Variants in SLC24A2 observed in about 807,000 individuals in gnomAD.
The protein encoded by SLC24A2 is solute carrier family 24 member 2, also known as sodium/potassium/calcium exchanger 2.
SLC24A2 carries 36 observed loss-of-function variants against 62.0 expected under a neutral mutation model. The observed-to-expected ratio is 0.58, with a 90% CI of 0.44 to 0.77. The LOEUF (loss-of-function observed/expected upper bound fraction) is 0.77, where lower values mean the gene tolerates loss of function less well. Ranked by LOEUF, SLC24A2 falls within the 30% of genes least tolerant of loss-of-function variation. The probability of loss-of-function intolerance (pLI) is 0.00; values close to 1 mark genes in which losing one functional copy is unlikely to be tolerated. For synonymous variants in SLC24A2, 358 were observed against 294.0 expected (o/e 1.22, Z -2.23); for missense variants, 846 against 817.9 (o/e 1.03, Z -0.42).
chr9:19,883,258 G>A, the SLC24A2 span, among the ~76,000 whole-genome samples: 1 of 152,114 alleles, frequency 6.6e-6, no homozygotes, highest in African/African-American at 2.4e-5. Flanking sequence ...CTATCCCAAT[G>A]GTGACTCATT....
intron 1 of SLC24A2, chr9:19,788,404 C>A (rs1823243740): frequency 4.6e-6 from 3 of 654,134 alleles, no homozygotes; most frequent in Non-Finnish European, 5.7e-6. Flanking sequence ...ACCCACCGCT[C>A]GTCTCCCCGG....
chr9:19,728,176 A>C (rs1821228029), intron 2 of SLC24A2, among the ~76,000 whole-genome samples: 1 of 152,152 alleles, frequency 6.6e-6, no homozygotes, highest in African/African-American at 2.4e-5. Context: ...TTCTAAGAGC[A>C]GCAGTTCCAC....
chr9:19,718,311 T>A (rs1386275283), intron 2 of SLC24A2, among the ~76,000 whole-genome samples: 12 of 133,338 alleles, frequency 9.0e-5, no homozygotes, highest in Admixed American at 3.0e-4. Flanking sequence ...TTTTTTTTTT[T>A]AGACAGGGTC....
At chr9:20,109,085 T>G in the SLC24A2 span, among the ~76,000 whole-genome samples, 1 of 152,172 alleles carries the variant, frequency 6.6e-6, no homozygotes, top group Non-Finnish European at 1.5e-5. Context: ...TTGTACAGAC[T>G]TGTAGCCCAG....
chr9:19,735,324 T>C (rs1021329215), intron 2 of SLC24A2, among the ~76,000 whole-genome samples: 3 of 152,006 alleles, frequency 2.0e-5, no homozygotes, highest in African/African-American at 7.3e-5. Flanking sequence ...CTCACACCAG[T>C]TAGAATGGCA....
intron 8 of SLC24A2, among the ~76,000 whole-genome samples, chr9:19,529,368 G>A (rs1256549205): frequency 6.6e-6 from 1 of 152,174 alleles, no homozygotes; most frequent in African/African-American, 2.4e-5. Context: ...CAATAATGAT[G>A]AACACAGTCT....
chr9:20,144,407 G>A, the SLC24A2 span, among the ~76,000 whole-genome samples: 14 of 152,154 alleles, frequency 9.2e-5, no homozygotes, highest in African/African-American at 3.4e-4. Flanking sequence ...TCTGTTATAC[G>A]GATGTCTGTT....
the SLC24A2 span, among the ~76,000 whole-genome samples, chr9:20,204,742 CT>C: frequency 0.066 from 8,662 of 132,184 alleles, 526 homozygotes; most frequent in African/African-American, 0.21. Flanking sequence ...AAAAGTATAA[CT>C]TTTTTTTTTT....
the SLC24A2 span, among the ~76,000 whole-genome samples, chr9:19,978,874 C>T: frequency 1.3e-5 from 2 of 151,970 alleles, no homozygotes; most frequent in Admixed American, 6.6e-5. Context: ...CTCTACTGAA[C>T]AAAAAAGGCA....
the SLC24A2 span, among the ~76,000 whole-genome samples, chr9:20,001,037 T>C: frequency 6.6e-6 from 1 of 152,184 alleles, no homozygotes; most frequent in Non-Finnish European, 1.5e-5. Context: ...TCCCCATCCA[T>C]TGCTCTAATG....
chr9:20,171,328 A>C, the SLC24A2 span, among the ~76,000 whole-genome samples: 21 of 152,142 alleles, frequency 1.4e-4, no homozygotes, highest in East Asian at 4.1e-3. Flanking sequence ...GTATACAGGC[A>C]ACAAATAGCA....
At chr9:20,202,559 A>T in the SLC24A2 span, among the ~76,000 whole-genome samples, 1 of 152,062 alleles carries the variant, frequency 6.6e-6, no homozygotes, top group East Asian at 1.9e-4. Context: ...GAGTGGAGAG[A>T]TGGGCAGGAG....
At chr9:20,064,714 T>A in the SLC24A2 span, among the ~76,000 whole-genome samples, 1 of 152,204 alleles carries the variant, frequency 6.6e-6, no homozygotes, top group African/African-American at 2.4e-5. Flanking sequence ...CTACCTTTCT[T>A]GGCCAACTGA....
At position 19,631,820 on chromosome 9, in the gene SLC24A2, C is replaced by T. The variant is rs527385123; in HGVS notation, c.931-9521G>A. Reference sequence around the variant, plus strand: ...AAATTCTCTGGCTTCATCCCTGGGACCCTGTGCCCAGACACTGCTGTACGG... The same window carrying T: ...AAATTCTCTGGCTTCATCCCTGGGATCCTGTGCCCAGACACTGCTGTACGG... On this transcript the variant is annotated intron_variant, in intron 2 of 10. Transcript: ENST00000341998. Among the ~76,000 whole-genome samples, 174 of 152,310 alleles carry T rather than the reference C, an allele frequency of 1.1e-3. 1 individual carries two copies. The highest frequency in any genetic ancestry group is 4.0e-3 in the African/African-American group (168 of 41,566).
chr9:20,299,095 G>C, the SLC24A2 span, among the ~76,000 whole-genome samples: 5 of 152,202 alleles, frequency 3.3e-5, no homozygotes, highest in Non-Finnish European at 7.3e-5. Context: ...AAATAAGCAA[G>C]AATGGCTAGA....
intron 8 of SLC24A2, among the ~76,000 whole-genome samples, chr9:19,541,329 T>C (rs1448704166): frequency 1.3e-5 from 2 of 149,980 alleles, no homozygotes; most frequent in African/African-American, 4.9e-5. Context: ...TTCCCCATCT[T>C]TGTGGTTTTA....
intron 7 of SLC24A2, among the ~76,000 whole-genome samples, chr9:19,556,058 C>T (rs1835073874): frequency 1.3e-5 from 2 of 152,154 alleles, no homozygotes; most frequent in Admixed American, 6.5e-5. Context: ...TCTGGAGGCT[C>T]GGCCATCAGA....
upstream of SLC24A2, among the ~76,000 whole-genome samples, chr9:19,789,343 GGC>G (rs1253020959): frequency 6.6e-6 from 1 of 152,244 alleles, no homozygotes; most frequent in Non-Finnish European, 1.5e-5. Context: ...TCTTATGCTG[GGC>G]ACCGCCTCTC....
intron 2 of SLC24A2, among the ~76,000 whole-genome samples, chr9:19,637,625 C>G (rs949869976): frequency 2.0e-5 from 3 of 152,174 alleles, no homozygotes; most frequent in Non-Finnish European, 4.4e-5. Flanking sequence ...GAAGTAGTAC[C>G]AGGCACAGTG....
Sources: gnomAD v4.1 joint callset for allele counts (sites outside exome capture counted in the v4.1 genomes callset) on GRCh38, gnomAD v4.1.1 for gene constraint, MANE v1.5 for transcripts, NCBI Gene and HGNC (gene_info 2026-07-23, HGNC 2026-07-21) for gene names.